Variants in MYLK observed in about 807,000 individuals in gnomAD.
MYLK encodes myosin light chain kinase, also known as myosin light chain kinase, smooth muscle.
Under a neutral mutation model 203.4 loss-of-function variants are expected in MYLK, and 106 were observed. The ratio of observed to expected loss-of-function variants is 0.52; its 90% confidence interval spans 0.45 to 0.61. The LOEUF (loss-of-function observed/expected upper bound fraction) is 0.61, where lower values mean the gene tolerates loss of function less well. Among genes scored for constraint, MYLK ranks in the 20% least tolerant of loss-of-function variants. MYLK has a pLI of 0.00. For synonymous variants in MYLK, 867 were observed against 959.5 expected (o/e 0.90, Z 1.78); for missense variants, 2,072 against 2,442.3 (o/e 0.85, Z 3.20).
chr3:123,708,634 A>C (rs1388979747), intron 15 of MYLK, 64 bp downstream of exon 15: 2 of 1,598,216 alleles, frequency 1.3e-6, no homozygotes, highest in East Asian at 2.2e-5. Flanking sequence ...CTTGCCTCCA[A>C]ATCACTTTTG....
chr3:123,714,849 G>C (rs1452241890), intron 13 of MYLK, among the ~76,000 whole-genome samples: 2 of 152,200 alleles, frequency 1.3e-5, no homozygotes, highest in African/African-American at 2.4e-5. Flanking sequence ...GGATTGATCG[G>C]GCTGTCGTCC....
At chr3:123,812,637 C>A (rs2065599253) in intron 3 of MYLK, among the ~76,000 whole-genome samples, 1 of 152,204 alleles carries the variant, frequency 6.6e-6, no homozygotes, top group African/African-American at 2.4e-5. Context: ...GTCCCTCAAC[C>A]AACCAACTGA....
chr3:123,748,209 C>T (rs1383663716), intron 5 of MYLK, among the ~76,000 whole-genome samples: 4 of 152,174 alleles, frequency 2.6e-5, no homozygotes, highest in African/African-American at 9.7e-5. Context: ...GTCCCAGACT[C>T]TTTTAAACAA....
At chr3:123,686,673 G>A (rs1040878560) in intron 19 of MYLK, among the ~76,000 whole-genome samples, 1 of 152,168 alleles carries the variant, frequency 6.6e-6, no homozygotes, top group Non-Finnish European at 1.5e-5. Flanking sequence ...GAACTTTTCT[G>A]AGTCTGAGCT....
intron 19 of MYLK, among the ~76,000 whole-genome samples, chr3:123,690,240 G>A (rs1015920002): frequency 1.3e-5 from 2 of 152,222 alleles, no homozygotes; most frequent in East Asian, 1.9e-4. Flanking sequence ...CAGGCTGGAA[G>A]AGCCCACACA....
intron 24 of MYLK, among the ~76,000 whole-genome samples, chr3:123,652,316 G>A (rs2059242621): frequency 6.6e-6 from 1 of 152,086 alleles, no homozygotes; most frequent in Non-Finnish European, 1.5e-5. Context: ...AATCTGTTCA[G>A]AATGAGCTAT....
At chr3:123,813,455 T>C (rs1183217943) in intron 3 of MYLK, among the ~76,000 whole-genome samples, 1 of 152,004 alleles carries the variant, frequency 6.6e-6, no homozygotes, top group Admixed American at 6.6e-5. Context: ...CCTGGGCCAC[T>C]TCTCCATCAG....
At chr3:123,751,075 C>T (rs544846857) in intron 5 of MYLK, among the ~76,000 whole-genome samples, 15 of 152,254 alleles carry the variant, frequency 9.9e-5, no homozygotes, top group African/African-American at 3.4e-4. Context: ...ATCTAGTGTC[C>T]CCTGAAAACC....
intron 4 of MYLK, among the ~76,000 whole-genome samples, chr3:123,784,061 T>C (rs960879541): frequency 1.3e-5 from 2 of 152,196 alleles, no homozygotes; most frequent in Middle Eastern, 3.2e-3. Flanking sequence ...GCTTTCCCAT[T>C]ATGAATATAG....
chr3:123,695,598 A>C (rs1478273376), intron 18 of MYLK, among the ~76,000 whole-genome samples: 1 of 152,252 alleles, frequency 6.6e-6, no homozygotes, highest in East Asian at 1.9e-4. Flanking sequence ...GATTATGCAC[A>C]CAACAAAGGG....
intron 2 of MYLK, among the ~76,000 whole-genome samples, chr3:123,862,089 T>A (rs573889402): frequency 1.3e-5 from 2 of 152,368 alleles, no homozygotes; most frequent in Admixed American, 1.3e-4. Context: ...AGGAAGGCTC[T>A]AAGGCCATGC....
intron 13 of MYLK, among the ~76,000 whole-genome samples, chr3:123,721,702 G>A (rs1240748487): frequency 1.3e-5 from 2 of 151,700 alleles, no homozygotes; most frequent in African/African-American, 2.4e-5. Flanking sequence ...GGGAATACGT[G>A]AGTGCTCTCC....
At chr3:123,841,463 A>T (rs1050726279) in intron 2 of MYLK, among the ~76,000 whole-genome samples, 2 of 152,146 alleles carry the variant, frequency 1.3e-5, no homozygotes, top group African/African-American at 4.8e-5. Context: ...TTTTCTGTAT[A>T]TCCCTTTCTC....
intron 32 of MYLK, among the ~76,000 whole-genome samples, chr3:123,619,202 G>A (rs773304131): frequency 1.3e-4 from 20 of 152,194 alleles, no homozygotes; most frequent in Non-Finnish European, 2.1e-4. Flanking sequence ...GGTCCTAGCC[G>A]CATCTTTAGC....
chr3:123,630,932 T>TG (rs3832190), intron 29 of MYLK: 38,585 of 151,890 alleles, frequency 0.25, 9,664 homozygotes, highest in East Asian at 0.61. Flanking sequence ...GCCTCATGGG[T>TG]GTTAGACCAG....
chr3:123,807,070 A>C (rs1192909971), intron 3 of MYLK, among the ~76,000 whole-genome samples: 1 of 152,214 alleles, frequency 6.6e-6, no homozygotes, highest in East Asian at 1.9e-4. Flanking sequence ...GCAGTACTGG[A>C]ATCCAGTCCT....
intron 1 of MYLK, among the ~76,000 whole-genome samples, chr3:123,882,956 A>T (rs2033634903): frequency 6.6e-6 from 1 of 151,398 alleles, no homozygotes. Flanking sequence ...TTCTATTAGA[A>T]CCCTAAATGC....
intron 5 of MYLK, among the ~76,000 whole-genome samples, chr3:123,745,596 G>A (rs1373379367): frequency 6.6e-6 from 1 of 152,182 alleles, no homozygotes; most frequent in Non-Finnish European, 1.5e-5. Context: ...GCTCTGACCA[G>A]TGCTTATATA....
intron 4 of MYLK, among the ~76,000 whole-genome samples, chr3:123,788,117 T>TAA (rs2064613129): frequency 6.6e-6 from 1 of 152,008 alleles, no homozygotes; most frequent in African/African-American, 2.4e-5. Context: ...GGTAGGAAGA[T>TAA]CACTTAAGTA....
Sources: allele counts gnomAD v4.1 joint callset (sites outside exome capture counted in the v4.1 genomes callset), GRCh38; gene constraint gnomAD v4.1.1; transcripts MANE v1.5; gene names NCBI Gene and HGNC (gene_info 2026-07-23, HGNC 2026-07-21).